Variants in ANOS1 observed in about 807,000 individuals in gnomAD.
The protein encoded by ANOS1 is anosmin-1.
A neutral mutation model predicts 59.0 loss-of-function variants in ANOS1; 6 were observed. That is an observed-to-expected ratio of 0.10 (90% confidence interval 0.06 to 0.20). ANOS1 has a LOEUF of 0.20. Among genes scored for constraint, ANOS1 ranks in the 10% least tolerant of loss-of-function variants. ANOS1 has a pLI of 1.00. For synonymous variants in ANOS1, 217 were observed against 223.4 expected (o/e 0.97, Z 0.25); for missense variants, 433 against 542.3 (o/e 0.80, Z 2.00).
intron 3 of ANOS1, among the ~76,000 whole-genome samples, chrX:8,617,880 T>C (rs964955156): frequency 1.8e-5 from 2 of 111,644 alleles, no homozygotes; most frequent in African/African-American, 6.5e-5. Context: ...CCAAGAACCT[T>C]ACATTCGACA....
chrX:8,591,097 T>C (rs756250291), intron 4 of ANOS1, among the ~76,000 whole-genome samples: 7 of 111,792 alleles, frequency 6.3e-5, no homozygotes, highest in East Asian at 5.7e-4. Context: ...CCAAAGTTAA[T>C]TGATTTTAAT....
At chrX:8,572,909 G>A (rs1210046039) in intron 6 of ANOS1, among the ~76,000 whole-genome samples, 6 of 110,839 alleles carry the variant, frequency 5.4e-5, no homozygotes, top group Admixed American at 1.9e-4. Flanking sequence ...TTTTCCTGTC[G>A]TTATTGGAAT....
chrX:8,547,207 C>A (rs1401484183), intron 9 of ANOS1, among the ~76,000 whole-genome samples: 4 of 111,528 alleles, frequency 3.6e-5, no homozygotes, highest in African/African-American at 1.3e-4. Flanking sequence ...ACATCCCTCT[C>A]CTCCATGTAG....
intron 3 of ANOS1, among the ~76,000 whole-genome samples, chrX:8,598,841 C>T (rs944702063): frequency 4.5e-5 from 5 of 112,271 alleles, no homozygotes; most frequent in Admixed American, 1.9e-4. Flanking sequence ...CTGTGCATAG[C>T]CAGGTTAAAT....
At chrX:8,561,333 T>A (rs184976371) in intron 8 of ANOS1, among the ~76,000 whole-genome samples, 1 of 111,154 alleles carries the variant, frequency 9.0e-6, no homozygotes, top group East Asian at 2.8e-4. Context: ...GGAGTCTCGC[T>A]TTGTCACCCA....
At chrX:8,700,947 T>A (rs1932751879) in intron 1 of ANOS1, among the ~76,000 whole-genome samples, 2 of 111,793 alleles carry the variant, frequency 1.8e-5, no homozygotes, top group Non-Finnish European at 3.8e-5. Flanking sequence ...AGGAGGAGGT[T>A]GCAGTGAGCT....
chrX:8,672,262 C>T (rs1487430227), intron 2 of ANOS1, among the ~76,000 whole-genome samples: 1 of 111,555 alleles, frequency 9.0e-6, no homozygotes, highest in African/African-American at 3.3e-5. Context: ...ACACTGGAGC[C>T]CACTCTGCAT....
intron 4 of ANOS1, among the ~76,000 whole-genome samples, chrX:8,594,658 G>GTATATATATATATATATA (rs767812487): frequency 3.3e-4 from 11 of 33,546 alleles, no homozygotes; most frequent in Non-Finnish European, 5.3e-4. Context: ...ATATATATGT[G>GTATATATATATATATATA]TATATATATA....
intron 2 of ANOS1, among the ~76,000 whole-genome samples, chrX:8,666,632 A>G (rs1027549590): frequency 8.9e-5 from 10 of 112,129 alleles, no homozygotes; most frequent in Admixed American, 2.8e-4. Flanking sequence ...CAAAGTCATG[A>G]AATGGTATCT....
intron 6 of ANOS1, among the ~76,000 whole-genome samples, chrX:8,571,336 C>T (rs1431434255): frequency 9.0e-6 from 1 of 110,905 alleles, no homozygotes; most frequent in Admixed American, 9.7e-5. Context: ...AAATATAGTA[C>T]AATTCAATGT....
At chrX:8,554,542 G>GTTTTTTTTTT (rs757605733) in intron 8 of ANOS1, among the ~76,000 whole-genome samples, 35 of 50,828 alleles carry the variant, frequency 6.9e-4, no homozygotes, top group East Asian at 5.0e-3. Flanking sequence ...GGCTACAGGA[G>GTTTTTTTTTT]TTTTTTTTTT....
At chrX:8,684,762 A>T (rs1371877205) in intron 2 of ANOS1, among the ~76,000 whole-genome samples, 2 of 109,382 alleles carry the variant, frequency 1.8e-5, no homozygotes. Context: ...TTCTCTTGGG[A>T]AACACTGTTC....
chrX:8,673,777 T>C (rs1188882378), intron 2 of ANOS1, among the ~76,000 whole-genome samples: 13 of 111,765 alleles, frequency 1.2e-4, no homozygotes, highest in Non-Finnish European at 3.8e-5. Context: ...GAGACAATGC[T>C]TGATTCATTT....
At chrX:8,723,714 AC>A (rs1408730411) in intron 1 of ANOS1, among the ~76,000 whole-genome samples, 1 of 112,077 alleles carries the variant, frequency 8.9e-6, no homozygotes, top group Non-Finnish European at 1.9e-5. Flanking sequence ...TTTAAAATAT[AC>A]AAAGGATTGC....
chrX:8,605,836 G>A (rs1002832595), intron 3 of ANOS1, among the ~76,000 whole-genome samples: 1 of 111,211 alleles, frequency 9.0e-6, no homozygotes, highest in African/African-American at 3.3e-5. Context: ...AGGCATTCAG[G>A]TAAAAAAGGC....
Position 8,601,196 on chromosome X carries a change from A to G in ANOS1, c.319-3940T>C, listed in dbSNP as rs994100223. On this transcript the variant is annotated intron_variant, in intron 3 of 13. Transcript: ENST00000262648. ...CAACCAAAGCGAGACTTTGTCTCAA[A>G]AAAAAAAAAAAAAAAAAAGAAATAC... 4.7e-3 allele frequency among the ~76,000 whole-genome samples: 141 copies of G among 30,221 alleles called. 1 individual carries two copies. The highest frequency in any genetic ancestry group is 4.1e-3 in the Non-Finnish European group (74 of 18,059). The allele number at this position is 30,221 out of a possible 115,157, so 26.2% of individuals were successfully genotyped here. A position where few individuals can be genotyped will look rare whatever the true frequency, so the allele number is the denominator to read the frequency against.
rs1446614438 is a variant in ANOS1 at position 8,587,952 on chromosome X, A to T, written c.568T>A (p.Leu190Ile). ...CCAGACTGCAGTTCTGTAAATCGTA[A>T]CTCTTTTCTGGGCTTCAGGGGGACA... ...KGVPLKPRKE[L>I]RFTELQSGQL... The change falls in exon 5 of 14, where the codon TTA (leucine) becomes ATA (isoleucine). Residue 190 changes from leucine (L) to isoleucine (I), a missense_variant. Physicochemically the swap from Leu to Ile is conservative, Grantham distance 5 (BLOSUM62 2). Transcript: ENST00000262648. 1.7e-6 allele frequency: 2 copies of T among 1,207,756 alleles called. No individual in the cohort carries two copies. The highest frequency in any genetic ancestry group is 5.9e-5 in the East Asian group (2 of 33,684).
chrX:8,534,496 A>T, intron 12 of ANOS1, 36 bp from the exon 13 acceptor site: 1 of 1,192,100 alleles, frequency 8.4e-7, no homozygotes, highest in Non-Finnish European at 1.1e-6. Context: ...GCTCACCGAC[A>T]ACCTTTCAGA....
chrX:8,695,814 T>C (rs190073540), intron 2 of ANOS1, among the ~76,000 whole-genome samples: 23 of 110,991 alleles, frequency 2.1e-4, no homozygotes, highest in African/African-American at 7.5e-4. Flanking sequence ...GTGTGAGGTA[T>C]ACAATGAGAA....
Sources: gnomAD v4.1 joint callset for allele counts (sites outside exome capture counted in the v4.1 genomes callset) on GRCh38, gnomAD v4.1.1 for gene constraint, MANE v1.5 for transcripts, NCBI Gene and HGNC (gene_info 2026-07-23, HGNC 2026-07-21) for gene names.